Variants in IGSF21 observed in about 807,000 individuals in gnomAD.
IGSF21 encodes immunoglobin superfamily member 21, also known as immunoglobulin superfamily member 21.
Under a neutral mutation model 46.8 loss-of-function variants are expected in IGSF21, and 28 were observed. That is an observed-to-expected ratio of 0.60 (90% CI 0.44 to 0.82). The LOEUF (loss-of-function observed/expected upper bound fraction) is 0.82, where lower values mean the gene tolerates loss of function less well. Among genes scored for constraint, IGSF21 ranks in the 40% least tolerant of loss-of-function variants. The pLI, the probability that IGSF21 is intolerant of heterozygous loss-of-function variation, is 0.00. For synonymous variants in IGSF21, 284 were observed against 273.6 expected, an observed-to-expected ratio of 1.04 and a Z score of -0.38; for missense variants, 624 against 665.5, an observed-to-expected ratio of 0.94 and a Z score of 0.69.
chr1:18,149,785 C>T (rs1018863653), intron 1 of IGSF21, among the ~76,000 whole-genome samples: 1 of 152,230 alleles, frequency 6.6e-6, no homozygotes, highest in South Asian at 2.1e-4. Flanking sequence ...GTCATTTCCC[C>T]TCCCCCATTG....
intron 1 of IGSF21, among the ~76,000 whole-genome samples, chr1:18,225,383 C>T (rs557162841): frequency 6.6e-6 from 1 of 152,150 alleles, no homozygotes; most frequent in Admixed American, 6.5e-5. Context: ...AGAGCTGCAA[C>T]CACTCCCCTA....
chr1:18,262,662 G>A (rs1260780655), intron 2 of IGSF21, among the ~76,000 whole-genome samples: 1 of 152,214 alleles, frequency 6.6e-6, no homozygotes, highest in East Asian at 1.9e-4. Flanking sequence ...GGAGGCTGCA[G>A]GCTGGCACAA....
intron 2 of IGSF21, among the ~76,000 whole-genome samples, chr1:18,244,412 C>T (rs754210962): frequency 5.3e-5 from 8 of 152,164 alleles, no homozygotes; most frequent in Non-Finnish European, 8.8e-5. Flanking sequence ...ACAGGAATCA[C>T]GGTTTAAGGG....
intron 1 of IGSF21, among the ~76,000 whole-genome samples, chr1:18,141,341 AC>A (rs940053211): frequency 2.0e-5 from 3 of 152,152 alleles, no homozygotes; most frequent in Non-Finnish European, 2.9e-5. Context: ...AGTTTTGCCC[AC>A]CTGCCAATGA....
intron 1 of IGSF21, among the ~76,000 whole-genome samples, chr1:18,195,351 G>A (rs1483267838): frequency 2.0e-5 from 3 of 152,190 alleles, no homozygotes; most frequent in Non-Finnish European, 4.4e-5. Context: ...TGCTCTGGGT[G>A]CCATCGATGG....
At chr1:18,361,757 T>C (rs1231930814) in intron 4 of IGSF21, 4 of 186,794 alleles carry the variant, frequency 2.1e-5, no homozygotes, top group Non-Finnish European at 3.3e-5. Context: ...ACGGCAGCAA[T>C]GTGGCTGCTT....
chr1:18,265,854 G>T (rs2124540927), intron 2 of IGSF21, among the ~76,000 whole-genome samples: 1 of 152,350 alleles, frequency 6.6e-6, no homozygotes, highest in Non-Finnish European at 1.5e-5. Flanking sequence ...CGGGCAAGGT[G>T]CAGCCAATGG....
chr1:18,219,882 G>A (rs2084491452), intron 1 of IGSF21, among the ~76,000 whole-genome samples: 1 of 152,198 alleles, frequency 6.6e-6, no homozygotes, highest in Non-Finnish European at 1.5e-5. Flanking sequence ...TTGTGAGATA[G>A]CATGAAGAAC....
chr1:18,299,357 A>C (rs539520860), intron 3 of IGSF21, among the ~76,000 whole-genome samples: 1 of 152,350 alleles, frequency 6.6e-6, no homozygotes, highest in East Asian at 1.9e-4. Context: ...CCCTTTGAAA[A>C]GTTAAATGAT....
At chr1:18,282,604 C>T (rs1386154812) in intron 2 of IGSF21, among the ~76,000 whole-genome samples, 1 of 151,040 alleles carries the variant, frequency 6.6e-6, no homozygotes, top group Non-Finnish European at 1.5e-5. Flanking sequence ...GAGATACAAC[C>T]TTACATTTGC....
chr1:18,352,191 C>G (rs545835328), intron 4 of IGSF21, among the ~76,000 whole-genome samples: 1 of 152,284 alleles, frequency 6.6e-6, no homozygotes, highest in East Asian at 1.9e-4. Context: ...CCAATTCCCC[C>G]AAGCCTTTCG....
In IGSF21 at chr1:18,266,362, C is replaced by T. The variant is rs148064317; in HGVS notation, c.184-25504C>T. Among the ~76,000 whole-genome samples the T allele has an allele frequency of 5.7e-3, 868 of 152,312 alleles. 10 individuals carry two copies. The highest frequency in any genetic ancestry group is 0.024 in the Middle Eastern group (7 of 294). On this transcript the variant is annotated intron_variant, in intron 2 of 9. Coordinates refer to ENST00000251296, the MANE Select transcript of IGSF21 (RefSeq NM_032880.5). ...CCATATGTGTATCTGTGATCTATTA[C>T]CATGAACATGCTGTGTAACACTTGG...
chr1:18,244,745 T>A (rs192543891), intron 2 of IGSF21, among the ~76,000 whole-genome samples: 46 of 152,314 alleles, frequency 3.0e-4, no homozygotes, highest in African/African-American at 1.1e-3. Flanking sequence ...CTGACACTTA[T>A]CAGTGCTAAT....
intron 1 of IGSF21, among the ~76,000 whole-genome samples, chr1:18,193,876 A>G (rs1443749826): frequency 6.6e-6 from 1 of 152,190 alleles, no homozygotes; most frequent in Non-Finnish European, 1.5e-5. Flanking sequence ...TTAGCCTACA[A>G]TGGAACAAGC....
At chr1:18,126,279 T>C (rs955520453) in intron 1 of IGSF21, among the ~76,000 whole-genome samples, 8 of 152,036 alleles carry the variant, frequency 5.3e-5, no homozygotes, top group Non-Finnish European at 1.2e-4. Flanking sequence ...GAAAATAAAA[T>C]AGCCAAGAAA....
chr1:18,161,861 C>T (rs1471503674), intron 1 of IGSF21, among the ~76,000 whole-genome samples: 3 of 152,050 alleles, frequency 2.0e-5, no homozygotes, highest in Admixed American at 2.0e-4. Context: ...GGTTGGAATT[C>T]CAGATCCCCT....
At chr1:18,291,773 G>C (rs1557628077) in intron 2 of IGSF21, 93 bp from the exon 3 acceptor site, 1 of 1,469,752 alleles carries the variant, frequency 6.8e-7, no homozygotes, top group African/African-American at 1.4e-5. Context: ...CTTCTTCTGG[G>C]CTTCCTGCCT....
At chr1:18,246,624 G>T (rs1415290298) in intron 2 of IGSF21, among the ~76,000 whole-genome samples, 1 of 152,166 alleles carries the variant, frequency 6.6e-6, no homozygotes, top group African/African-American at 2.4e-5. Context: ...GAGGGAGCTA[G>T]CTCGGTATGT....
intron 4 of IGSF21, among the ~76,000 whole-genome samples, chr1:18,339,022 A>AG (rs1408145656): frequency 6.6e-6 from 1 of 152,180 alleles, no homozygotes; most frequent in African/African-American, 2.4e-5. Flanking sequence ...TGGAATGCCA[A>AG]GGGGCAGGGT....
Sources: allele counts gnomAD v4.1 joint callset (sites outside exome capture counted in the v4.1 genomes callset), GRCh38; gene constraint gnomAD v4.1.1; transcripts MANE v1.5; gene names NCBI Gene and HGNC (gene_info 2026-07-23, HGNC 2026-07-21).